The following CXCL1 variants were observed in gnomAD, a reference collection of about 807,000 sequenced individuals.
CXCL1 encodes the protein growth-regulated alpha protein.
A neutral mutation model predicts 11.7 loss-of-function variants in CXCL1; 9 were observed. The ratio of observed to expected loss-of-function variants is 0.77; its 90% CI spans 0.46 to 1.34. CXCL1 has a LOEUF of 1.34. CXCL1 is among the 40% of genes most tolerant of loss of function. CXCL1 has a pLI of 0.00. For synonymous variants in CXCL1, 78 were observed against 59.1 expected (o/e 1.32, Z -1.47); for missense variants, 146 against 138.1 (o/e 1.06, Z -0.29).
rs201005012 is a variant in CXCL1, at chr4:73,869,884, C to T, written c.225-22C>T. 7 of 1,613,998 alleles carry T rather than the reference C, an allele frequency of 4.3e-6. No individual in the cohort carries two copies. The South Asian group carries it at 5.5e-5, about 13-fold the overall frequency. ...GTCCCCAGCCCGACCTCCTGCCTCA[C>T]GAGATTCCCTTCCCTCTGCAGAGCC... On this transcript the variant is annotated intron_variant, in intron 2 of 3. Coordinates refer to ENST00000395761, the MANE Select transcript of CXCL1 (RefSeq NM_001511.4).
intron 3 of CXCL1, 65 bp from the exon 4 acceptor site, chr4:73,870,456 G>A: frequency 1.2e-6 from 2 of 1,603,780 alleles, no homozygotes; most frequent in Non-Finnish European, 1.7e-6. Context: ...AGCAGGGCAG[G>A]AGAAGAGTGT....
rs1348536503 is a variant in CXCL1, at chr4:73,870,985, C to CCTTCT, written c.*449_*450insCTTCT. ...TTGTGAAGGCAGGGGAATGTATGTG[C>CCTTCT]ACATCTGTTTTGTAACTGTTTAGAT... On this transcript the variant is annotated 3_prime_UTR_variant, in exon 4 of 4. Transcript: ENST00000395761. The CCTTCT allele has an allele frequency of 0.019, 3,090 of 160,274 alleles. 78 individuals carry two copies. The highest frequency in any genetic ancestry group is 0.058 in the African/African-American group (2,425 of 41,568). 9.9% of individuals were successfully genotyped at this position (160,274 alleles called of 1,614,324 possible).
intron 1 of CXCL1, 42 bp from the exon 2 acceptor site, chr4:73,869,627 C>G: frequency 1.2e-6 from 2 of 1,613,758 alleles, no homozygotes; most frequent in Non-Finnish European, 1.7e-6. Flanking sequence ...AGGCACCCAG[C>G]GCCGACAGCC....
At chr4:73,869,873 CT>C in intron 2 of CXCL1, 32 bp from the exon 3 acceptor site, 1 of 1,614,088 alleles carries the variant, frequency 6.2e-7, no homozygotes, top group Non-Finnish European at 8.5e-7. Flanking sequence ...CCAGCCCGAC[CT>C]CCTGCCTCAC....
rs966091155 is a variant in CXCL1, at chr4:73,870,758, C to T, written c.*222C>T. The T allele has an allele frequency of 1.3e-5, 7 of 538,256 alleles. No individual in the cohort carries two copies. The African/African-American group carries it at 1.3e-4, about 10-fold the overall frequency. The allele number at this position is 538,256 out of a possible 1,614,324, so 33.3% of individuals were successfully genotyped here. The stretch of plus-strand genomic sequence containing the variant: ...GTAAAATAATTAAGGGTATGATTAA[C>T]TCTACCTGCACACTGTCCTATTATA... On this transcript the variant is annotated 3_prime_UTR_variant, in exon 4 of 4. Transcript: ENST00000395761.
chr4:73,869,608 G>A (rs201174282), intron 1 of CXCL1, 38 bp downstream of exon 1: 2 of 1,613,164 alleles, frequency 1.2e-6, no homozygotes, highest in Non-Finnish European at 8.5e-7. Context: ...GGCCGGACGC[G>A]GCTGGGGTAG....
Position 73,869,870 on chromosome 4 carries a change from G to T in CXCL1, c.225-36G>T, listed in dbSNP as rs765987608. Reference sequence around the variant, plus strand: ...GCTGCCCCAACCCTGTCCCCAGCCCGACCTCCTGCCTCACGAGATTCCCTT... The same window carrying T: ...GCTGCCCCAACCCTGTCCCCAGCCCTACCTCCTGCCTCACGAGATTCCCTT... On this transcript the variant is annotated intron_variant, in intron 2 of 3. Transcript: ENST00000395761. 2.5e-6 allele frequency: 4 copies of T among 1,613,886 alleles called. No individual in the cohort carries two copies. In the South Asian group the frequency reaches 4.4e-5, roughly 18 times the overall value.
Position 73,869,527 on chromosome 4 carries a change from A to G in CXCL1, c.57A>G (p.Ala19=), listed in dbSNP as rs2071425. The G allele has an allele frequency of 0.24, 381,993 of 1,601,478 alleles. 51,281 individuals are homozygous for G. Among genetic ancestry groups the G allele is most frequent in the African/African-American group, 0.49 (36,704 of 74,512 alleles). Residue 19 remains alanine, a synonymous_variant, in exon 1 of 4, where the codon GCA becomes GCG. Coordinates refer to ENST00000395761, the MANE Select transcript of CXCL1 (RefSeq NM_001511.4). Reference sequence around the variant, plus strand: ...GCAATCCCCGGCTCCTGCGAGTGGCACTGCTGCTCCTGCTCCTGGTAGCCG... The same window carrying G: ...GCAATCCCCGGCTCCTGCGAGTGGCGCTGCTGCTCCTGCTCCTGGTAGCCG... ...APSNPRLLRV[A]LLLLLLVAAG...
In CXCL1 at chr4:73,869,745, T is replaced by C. The variant is rs199681383; in HGVS notation, c.177T>C (p.Ser59=). ...LQGIHPKNIQ[S]VNVKSPGPHC... Reference sequence around the variant, plus strand: ...GAATTCACCCCAAGAACATCCAAAGTGTGAACGTGAAGTCCCCCGGACCCC... The same window carrying C: ...GAATTCACCCCAAGAACATCCAAAGCGTGAACGTGAAGTCCCCCGGACCCC... Residue 59 remains serine, a synonymous_variant, in exon 2 of 4, where the codon AGT becomes AGC. Coordinates refer to ENST00000395761, the MANE Select transcript of CXCL1 (RefSeq NM_001511.4). 8 of 1,613,972 alleles carry C rather than the reference T, an allele frequency of 5.0e-6. No homozygotes were observed. The highest frequency in any genetic ancestry group is 2.7e-5 in the African/African-American group (2 of 74,884).
chr4:73,869,553 C>T lies in CXCL1; in HGVS notation c.83C>T (p.Ala28Val), dbSNP rs531055521. The T allele has an allele frequency of 1.5e-4, 246 of 1,609,850 alleles. 1 individual carries two copies. In the East Asian group the frequency reaches 5.4e-3, roughly 36 times the overall value. ...VALLLLLLVA[A>V]GRRAAGASVA... ...CTGCTGCTCCTGCTCCTGGTAGCCG[C>T]TGGCCGGCGCGCAGCAGGTGGGTAC... Residue 28 changes from alanine (A) to valine (V), a missense_variant, in exon 1 of 4, where the codon GCT becomes GTT. Physicochemically the swap from Ala to Val is moderately conservative, Grantham distance 64 (BLOSUM62 0). Transcript: ENST00000395761.
In CXCL1 at chr4:73,870,766, GCA is replaced by G; in HGVS notation, c.*234_*235del. ...ATTAAGGGTATGATTAACTCTACCT[GCA>G]CACTGTCCTATTATATTCATTCTTT... On this transcript the variant is annotated 3_prime_UTR_variant, in exon 4 of 4. Coordinates refer to ENST00000395761, the MANE Select transcript of CXCL1 (RefSeq NM_001511.4). The G allele has an allele frequency of 2.0e-6, 1 of 511,040 alleles. No individual in the cohort carries two copies. The highest frequency in any genetic ancestry group is 2.5e-5 in the South Asian group (1 of 39,846). 31.7% of individuals were successfully genotyped at this position (511,040 alleles called of 1,614,324 possible). A position where few individuals can be genotyped will look rare whatever the true frequency, so the allele number is the denominator to read the frequency against.
At chr4:73,870,484 C>G (rs762604860) in intron 3 of CXCL1, 37 bp from the exon 4 acceptor site, 5 of 1,613,360 alleles carry the variant, frequency 3.1e-6, no homozygotes, top group Non-Finnish European at 4.2e-6. Context: ...TCAGCTTTCC[C>G]GAGCACCTAC....
At chr4:73,870,093 A>G (rs1034458362) in intron 3 of CXCL1, 104 bp downstream of exon 3, 2 of 1,117,396 alleles carry the variant, frequency 1.8e-6, no homozygotes, top group African/African-American at 3.2e-5. Flanking sequence ...GGTTAGTTGA[A>G]GGACTAGAAA....
intron 2 of CXCL1, 25 bp downstream of exon 2, chr4:73,869,817 T>G: frequency 6.2e-7 from 1 of 1,613,662 alleles, no homozygotes. Flanking sequence ...GCGCTGCCTC[T>G]GCCACCGCCG....
At chr4:73,869,839 C>A (rs762309880) in intron 2 of CXCL1, 47 bp downstream of exon 2, 1 of 1,613,538 alleles carries the variant, frequency 6.2e-7, no homozygotes, top group South Asian at 1.1e-5. Context: ...GGTCCCAGAC[C>A]CTCCTGCTGC....
rs750054496 is a variant in CXCL1, at chr4:73,869,665, C to G, written c.101-4C>G. ...GCTCAGTCAGTGAGTCTCTTCTTCC[C>G]TAGGAGCGTCCGTGGCCACTGAACT... On this transcript the variant is annotated splice_polypyrimidine_tract_variant and splice_region_variant and intron_variant, in intron 1 of 3. Transcript: ENST00000395761. The G allele has an allele frequency of 4.5e-5, 72 of 1,614,096 alleles. No homozygotes were observed. The highest frequency in any genetic ancestry group is 4.0e-5 in the Non-Finnish European group (47 of 1,180,032).
At chr4:73,870,327 T>G in intron 3 of CXCL1, 194 bp from the exon 4 acceptor site, 3 of 380,184 alleles carry the variant, frequency 7.9e-6, no homozygotes, top group African/African-American at 2.2e-5. Flanking sequence ...CCCACCCCCA[T>G]TCCTAAAAGA....
chr4:73,869,601 C>T (rs1169190794), intron 1 of CXCL1, 31 bp downstream of exon 1: 3 of 1,612,776 alleles, frequency 1.9e-6, no homozygotes, highest in African/African-American at 1.3e-5. Flanking sequence ...GTCCCCGGGC[C>T]GGACGCGGCT....
chr4:73,870,374 G>T, intron 3 of CXCL1, 147 bp from the exon 4 acceptor site: 2 of 753,522 alleles, frequency 2.7e-6, no homozygotes, highest in Non-Finnish European at 4.0e-6. Flanking sequence ...ACACAGCACA[G>T]CTGTCATAGG....
Sources: allele counts gnomAD v4.1 joint callset, GRCh38; gene constraint gnomAD v4.1.1; transcripts MANE v1.5; gene names NCBI Gene and HGNC (gene_info 2026-07-23, HGNC 2026-07-21).